Variants in DNAH11 observed in about 807,000 individuals in gnomAD.
DNAH11 encodes the protein axonemal beta dynein heavy chain 11.
A neutral mutation model predicts 526.0 loss-of-function variants in DNAH11; 442 were observed. The observed-to-expected ratio is 0.84, with a 90% CI of 0.78 to 0.91. The LOEUF (loss-of-function observed/expected upper bound fraction) is 0.91, where lower values mean the gene tolerates loss of function less well. Ranked by LOEUF, DNAH11 falls within the 40% of genes least tolerant of loss-of-function variation. The pLI, the probability that DNAH11 is intolerant of heterozygous loss-of-function variation, is 0.00. For missense variants in DNAH11, 6,989 were observed against 5,448.7 expected, an observed-to-expected ratio of 1.28 and a Z score of -8.90; for synonymous variants, 2,461 against 1,935.9, an observed-to-expected ratio of 1.27 and a Z score of -7.12.
intron 2 of DNAH11, among the ~76,000 whole-genome samples, chr7:21,555,846 T>G (rs1402613046): frequency 6.6e-6 from 1 of 151,816 alleles, no homozygotes; most frequent in Non-Finnish European, 1.5e-5. Flanking sequence ...TCGACTGGAG[T>G]CCTTCTCTGC....
At chr7:21,899,638 G>A (rs1296097129) in intron 80 of DNAH11, among the ~76,000 whole-genome samples, 190 bp downstream of exon 80, 1 of 152,208 alleles carries the variant, frequency 6.6e-6, no homozygotes, top group African/African-American at 2.4e-5. Flanking sequence ...AGGAGGGAAA[G>A]GACCTCCTAT....
At position 21,748,712 on chromosome 7, in the gene DNAH11, G is replaced by C. The variant is rs1786271274; in HGVS notation, c.8643G>C (p.Leu2881=). The part of the protein sequence containing the change: ...LRGLEVFQIT[L]TEGYGIQELR... ...GCCTTGAGGTCTTTCAGATCACTCT[G>C]ACCGAGGGCTATGGAATCCAGGAAC... The change falls in exon 52 of 82, where the codon CTG becomes CTC. Residue 2881 remains leucine (L), a synonymous_variant. Coordinates refer to ENST00000409508, the MANE Select transcript of DNAH11 (RefSeq NM_001277115.2). 2 of 1,613,438 alleles carry C rather than the reference G, an allele frequency of 1.2e-6. No individual in the cohort carries two copies. Among genetic ancestry groups the C allele is most frequent in the Admixed American group, 1.7e-5 (1 of 60,006 alleles).
intron 62 of DNAH11, among the ~76,000 whole-genome samples, chr7:21,802,839 G>GT (rs1407346086): frequency 2.0e-5 from 3 of 151,910 alleles, no homozygotes; most frequent in Non-Finnish European, 4.4e-5. Context: ...CTGGACAAGG[G>GT]TGTGGGGTTT....
intron 34 of DNAH11, among the ~76,000 whole-genome samples, chr7:21,688,359 G>A (rs1332480312): frequency 2.0e-5 from 3 of 152,120 alleles, no homozygotes; most frequent in Admixed American, 6.5e-5. Flanking sequence ...CACTATATCC[G>A]TGTTTCCTAT....
intron 68 of DNAH11, among the ~76,000 whole-genome samples, chr7:21,860,534 G>A (rs1375297513): frequency 6.6e-6 from 1 of 152,190 alleles, no homozygotes; most frequent in Admixed American, 6.5e-5. Context: ...CCAAAAGGTG[G>A]AAGCAACCCA....
intron 2 of DNAH11, among the ~76,000 whole-genome samples, chr7:21,554,795 G>A (rs1412190604): frequency 6.6e-6 from 1 of 152,186 alleles, no homozygotes; most frequent in Non-Finnish European, 1.5e-5. Flanking sequence ...CCCTGTCTAT[G>A]GGAGCTTCCC....
chr7:21,875,225 A>G (rs1783658585), intron 74 of DNAH11, among the ~76,000 whole-genome samples: 1 of 152,104 alleles, frequency 6.6e-6, no homozygotes, highest in Non-Finnish European at 1.5e-5. Context: ...TTTTTTAATC[A>G]TCTCTTAATT....
chr7:21,651,015 C>T (rs1781738422), intron 28 of DNAH11, among the ~76,000 whole-genome samples: 1 of 151,184 alleles, frequency 6.6e-6, no homozygotes, highest in Non-Finnish European at 1.5e-5. Flanking sequence ...TAAGTTTTTA[C>T]ACATGTAAAA....
At chr7:21,900,234 T>TAGTCA in intron 81 of DNAH11, 114 bp downstream of exon 81, 1 of 1,148,232 alleles carries the variant, frequency 8.7e-7, no homozygotes. Flanking sequence ...AACCTTATGC[T>TAGTCA]AGTCATTATC....
chr7:21,593,108 G>A (rs61169458), intron 14 of DNAH11, among the ~76,000 whole-genome samples: 1,603 of 152,228 alleles, frequency 0.011, 53 homozygotes, highest in South Asian at 0.071. Context: ...AACTAGCCTC[G>A]AAGTCCTCCC....
intron 70 of DNAH11, among the ~76,000 whole-genome samples, chr7:21,866,012 C>G (rs1321829715): frequency 6.6e-6 from 1 of 152,176 alleles, no homozygotes; most frequent in Non-Finnish European, 1.5e-5. Flanking sequence ...GGGTTTTAGC[C>G]AACTTCCTTA....
intron 29 of DNAH11, among the ~76,000 whole-genome samples, chr7:21,657,584 GATCCCAGGGT>G (rs1240639381): frequency 6.6e-6 from 1 of 152,162 alleles, no homozygotes; most frequent in African/African-American, 2.4e-5. Flanking sequence ...GGAGGATATG[GATCCCAGGGT>G]ATCCAGGAGA....
chr7:21,828,636 A>T (rs556236297), intron 65 of DNAH11, among the ~76,000 whole-genome samples: 2 of 152,260 alleles, frequency 1.3e-5, no homozygotes, highest in Non-Finnish European at 2.9e-5. Context: ...ATAACAAACA[A>T]ATGAAATTGT....
chr7:21,583,857 G>A lies in DNAH11; in HGVS notation c.1710+1836G>A, dbSNP rs545504684. 2.0e-4 allele frequency among the ~76,000 whole-genome samples: 30 copies of A among 152,294 alleles called. No individual in the cohort carries two copies. In the South Asian group the frequency reaches 4.6e-3, roughly 23 times the overall value. Reference sequence around the variant, plus strand: ...CATCATCACTGGTCATTAGAGAAATGCAAATCAAAACCGTAATGACATACC... The same window carrying A: ...CATCATCACTGGTCATTAGAGAAATACAAATCAAAACCGTAATGACATACC... On this transcript the variant is annotated intron_variant, in intron 9 of 81. Transcript: ENST00000409508.
intron 32 of DNAH11, 145 bp downstream of exon 32, chr7:21,684,089 T>C: frequency 1.2e-6 from 1 of 855,696 alleles, no homozygotes; most frequent in South Asian, 2.1e-5. Context: ...AGAAACAGAG[T>C]TACAGAAGCT....
chr7:21,814,000 C>T (rs1035544899), intron 63 of DNAH11, among the ~76,000 whole-genome samples: 2 of 152,220 alleles, frequency 1.3e-5, no homozygotes, highest in African/African-American at 4.8e-5. Flanking sequence ...CTAGATGAGA[C>T]AGCCTATTAC....
Position 21,707,938 on chromosome 7 carries a change from G to A in DNAH11, c.6683+103G>A. On this transcript the variant is annotated intron_variant, in intron 40 of 81. Transcript: ENST00000409508. ...TCATAGTCGCAGACTTACTGTTTAT[G>A]TGTTGGCATTATTGGAAATATAGCA... The A allele has an allele frequency of 8.0e-6, 10 of 1,245,014 alleles. No individual in the cohort carries two copies. The South Asian group carries it at 1.7e-4, about 22-fold the overall frequency. The allele number at this position is 1,245,014 out of a possible 1,614,324, so 77.1% of individuals were successfully genotyped here. A position where few individuals can be genotyped will look rare whatever the true frequency, so the allele number is the denominator to read the frequency against.
intron 58 of DNAH11, 83 bp downstream of exon 58, chr7:21,784,623 T>A: frequency 1.0e-6 from 1 of 978,516 alleles, no homozygotes; most frequent in Non-Finnish European, 1.5e-6. Context: ...GCTGAGAGAG[T>A]AGCCCATTAC....
At chr7:21,560,895 T>G (rs992917366) in intron 4 of DNAH11, among the ~76,000 whole-genome samples, 176 bp from the exon 5 acceptor site, 2 of 152,074 alleles carry the variant, frequency 1.3e-5, no homozygotes, top group Non-Finnish European at 2.9e-5. Context: ...AATACAAGGC[T>G]AAGAAAAAAA....
Sources: gnomAD v4.1 joint callset for allele counts (sites outside exome capture counted in the v4.1 genomes callset) on GRCh38, gnomAD v4.1.1 for gene constraint, MANE v1.5 for transcripts, NCBI Gene and HGNC (gene_info 2026-07-23, HGNC 2026-07-21) for gene names.